Variants in CHST9 observed in about 807,000 individuals in gnomAD.
CHST9 encodes the protein GalNAc-4-sulfotransferase 2.
Under a neutral mutation model 44.4 loss-of-function variants are expected in CHST9, and 41 were observed. The ratio of observed to expected loss-of-function variants is 0.92; its 90% CI spans 0.72 to 1.20. The LOEUF (loss-of-function observed/expected upper bound fraction) is 1.20. CHST9 is among the 50% of genes most tolerant of loss of function. CHST9 has a pLI of 0.00. For synonymous variants in CHST9, 171 were observed against 178.4 expected, an observed-to-expected ratio of 0.96 and a Z score of 0.33; for missense variants, 504 against 516.5, an observed-to-expected ratio of 0.98 and a Z score of 0.23.
intron 2 of CHST9, among the ~76,000 whole-genome samples, chr18:27,141,999 T>A (rs1206550903): frequency 6.6e-6 from 1 of 152,172 alleles, no homozygotes; most frequent in Non-Finnish European, 1.5e-5. Context: ...AATTGCAAAT[T>A]GAAAGACAAA....
intron 1 of CHST9, among the ~76,000 whole-genome samples, chr18:27,183,930 A>G (rs186272418): frequency 1.3e-5 from 2 of 152,166 alleles, no homozygotes; most frequent in African/African-American, 4.8e-5. Flanking sequence ...TAAATACTAA[A>G]TATGGTCACA....
At position 27,125,880 on chromosome 18, in the gene CHST9, C is replaced by T. The variant is rs569547753; in HGVS notation, c.121+16809G>A. Among the ~76,000 whole-genome samples, 6 of 152,126 alleles carry T rather than the reference C, an allele frequency of 3.9e-5. No homozygotes were observed. In the East Asian group the frequency reaches 1.2e-3, roughly 29 times the overall value. On this transcript the variant is annotated intron_variant, in intron 2 of 5. Transcript: ENST00000618847. ...ATAGACAGGCTACCCAAGTGAGTTT[C>T]AATATTCTCCAAAACAAAGGAAGTG... is the stretch of plus-strand genomic sequence containing the variant.
chr18:26,967,507 G>A (rs2056482376), intron 4 of CHST9, among the ~76,000 whole-genome samples: 1 of 152,136 alleles, frequency 6.6e-6, no homozygotes, highest in Admixed American at 6.5e-5. Context: ...CTACTGAATA[G>A]AAGTCCTATA....
chr18:27,049,532 G>A (rs544913844), intron 2 of CHST9, among the ~76,000 whole-genome samples: 1 of 152,152 alleles, frequency 6.6e-6, no homozygotes, highest in African/African-American at 2.4e-5. Context: ...TAAGAAAAGA[G>A]ATATAGCCAT....
chr18:27,145,657 A>C (rs2058606242), intron 1 of CHST9, among the ~76,000 whole-genome samples: 1 of 152,224 alleles, frequency 6.6e-6, no homozygotes, highest in African/African-American at 2.4e-5. Flanking sequence ...CATTTCCTTG[A>C]TTCAGGTAGT....
chr18:27,162,016 T>C (rs931878223), intron 1 of CHST9, among the ~76,000 whole-genome samples: 3 of 152,028 alleles, frequency 2.0e-5, no homozygotes, highest in Non-Finnish European at 4.4e-5. Context: ...GCACATGAGA[T>C]GGGTTTCCTG....
rs1421937364 is a variant in CHST9 at position 26,917,450 on chromosome 18, G to A, written c.241-100C>T. On this transcript the variant is annotated intron_variant, in intron 5 of 5. Coordinates refer to ENST00000618847, the MANE Select transcript of CHST9 (RefSeq NM_031422.6). ...ATTTGTTTTAAAATAGTATCAAGGAGAGCATATTTCATATAAGCTGCCAGA... is the reference window on the plus strand; with the variant it reads ...ATTTGTTTTAAAATAGTATCAAGGAAAGCATATTTCATATAAGCTGCCAGA... The A allele has an allele frequency of 1.0e-5, 14 of 1,354,302 alleles. No homozygotes were observed. In the East Asian group the frequency reaches 3.2e-4, roughly 31 times the overall value. 83.9% of individuals were successfully genotyped at this position (1,354,302 alleles called of 1,614,324 possible).
chr18:26,932,335 C>G (rs761496648), intron 5 of CHST9, among the ~76,000 whole-genome samples: 1 of 152,196 alleles, frequency 6.6e-6, no homozygotes, highest in Non-Finnish European at 1.5e-5. Flanking sequence ...ATCTCCTTAT[C>G]TTCATGGGAT....
intron 4 of CHST9, among the ~76,000 whole-genome samples, chr18:27,017,692 A>G (rs1486739911): frequency 6.6e-6 from 1 of 152,184 alleles, no homozygotes; most frequent in African/African-American, 2.4e-5. Context: ...GTGGGATTCA[A>G]TACCTTATTT....
At chr18:26,955,316 G>T (rs1440723081) in intron 4 of CHST9, among the ~76,000 whole-genome samples, 1 of 151,318 alleles carries the variant, frequency 6.6e-6, no homozygotes, top group East Asian at 1.9e-4. Flanking sequence ...TTGAGGGGAA[G>T]GACTGAGAGT....
At chr18:27,006,352 A>C (rs1042578315) in intron 4 of CHST9, among the ~76,000 whole-genome samples, 1 of 152,204 alleles carries the variant, frequency 6.6e-6, no homozygotes, top group Non-Finnish European at 1.5e-5. Flanking sequence ...TCATAGAAAG[A>C]AGTCCACCAA....
In CHST9 at chr18:27,123,426, T is replaced by C. The variant is rs566663581; in HGVS notation, c.121+19263A>G. Among the ~76,000 whole-genome samples, 3 of 152,270 alleles carry C rather than the reference T, an allele frequency of 2.0e-5. No individual in the cohort carries two copies. The South Asian group carries it at 6.2e-4, about 32-fold the overall frequency. On this transcript the variant is annotated intron_variant, in intron 2 of 5. Coordinates refer to ENST00000618847, the MANE Select transcript of CHST9 (RefSeq NM_031422.6). ...AAGGCCATTGTGTTCAATAATATCC[T>C]AGAGAGACTTTTGAAATTATGTAGG...
chr18:27,033,233 T>A (rs1295893633), intron 3 of CHST9, among the ~76,000 whole-genome samples: 1 of 152,222 alleles, frequency 6.6e-6, no homozygotes, highest in Non-Finnish European at 1.5e-5. Context: ...TTGCTATCAG[T>A]TCCTGTCACC....
chr18:27,134,709 G>T (rs1171420704), intron 2 of CHST9, among the ~76,000 whole-genome samples: 1 of 152,152 alleles, frequency 6.6e-6, no homozygotes, highest in Non-Finnish European at 1.5e-5. Context: ...TAGGCACATT[G>T]CTATGTGCCT....
intron 4 of CHST9, among the ~76,000 whole-genome samples, chr18:27,001,222 C>G (rs546126760): frequency 6.6e-6 from 1 of 152,246 alleles, no homozygotes; most frequent in African/African-American, 2.4e-5. Context: ...ATGCACTGAT[C>G]TTCTCTAAGG....
At position 26,916,755 on chromosome 18, in the gene CHST9, A is replaced by G; in HGVS notation, c.836T>C (p.Val279Ala). The change falls in exon 6 of 6, where the codon GTT becomes GCT. Residue 279 changes from valine (V) to alanine (A), a missense_variant. Physicochemically the swap from Val to Ala is moderately conservative, Grantham distance 64 (BLOSUM62 0). Coordinates refer to ENST00000618847, the MANE Select transcript of CHST9 (RefSeq NM_031422.6). Reference protein sequence around the residue: ...RLNTYTKAVFVRDPMERLVSA... With the variant: ...RLNTYTKAVFARDPMERLVSA... The stretch of plus-strand genomic sequence containing the variant: ...TACTAATCTTTCCATGGGATCACGA[A>G]CAAACACAGCTTTGGTGTAAGTATT... 6.2e-7 allele frequency: 1 copy of G among 1,613,918 alleles called. No homozygotes were observed.
At chr18:27,153,524 CTT>C (rs1316049911) in intron 1 of CHST9, among the ~76,000 whole-genome samples, 2 of 142,292 alleles carry the variant, frequency 1.4e-5, no homozygotes, top group African/African-American at 5.4e-5. Flanking sequence ...CTCTCTCTGT[CTT>C]TCTCTCTCTC....
chr18:27,049,277 G>T (rs1292545548), intron 2 of CHST9, among the ~76,000 whole-genome samples: 3 of 152,000 alleles, frequency 2.0e-5, no homozygotes, highest in Non-Finnish European at 2.9e-5. Context: ...AATGTGAGTT[G>T]CCAGGAAGGA....
At chr18:27,111,026 T>C (rs1359811844) in intron 2 of CHST9, among the ~76,000 whole-genome samples, 1 of 152,240 alleles carries the variant, frequency 6.6e-6, no homozygotes, top group East Asian at 1.9e-4. Flanking sequence ...TTAAAGTCTA[T>C]CAGTGTGGCT....
Sources: allele counts gnomAD v4.1 joint callset (sites outside exome capture counted in the v4.1 genomes callset), GRCh38; gene constraint gnomAD v4.1.1; transcripts MANE v1.5; gene names NCBI Gene and HGNC (gene_info 2026-07-23, HGNC 2026-07-21).